NR3C2: variants seen among roughly 807,000 people sequenced by gnomAD.
The protein encoded by NR3C2 is mineralocorticoid receptor.
Under a neutral mutation model 86.4 loss-of-function variants are expected in NR3C2, and 15 were observed. The ratio of observed to expected loss-of-function variants is 0.17; its 90% confidence interval spans 0.12 to 0.27. The LOEUF (loss-of-function observed/expected upper bound fraction) is 0.27. Among genes scored for constraint, NR3C2 ranks in the 10% least tolerant of loss-of-function variants. The pLI, the probability that NR3C2 is intolerant of heterozygous loss-of-function variation, is 1.00. For synonymous variants in NR3C2, 458 were observed against 450.5 expected, an observed-to-expected ratio of 1.02 and a Z score of -0.21; for missense variants, 960 against 1,195.6, an observed-to-expected ratio of 0.80 and a Z score of 2.91.
chr4:148,318,091 G>T (rs1474166622), intron 2 of NR3C2, among the ~76,000 whole-genome samples: 1 of 142,200 alleles, frequency 7.0e-6, no homozygotes, highest in African/African-American at 2.6e-5. Flanking sequence ...TGATCTTACT[G>T]TTCAATTCCC....
intron 6 of NR3C2, among the ~76,000 whole-genome samples, chr4:148,124,375 G>T (rs1337109392): frequency 6.6e-6 from 1 of 152,206 alleles, no homozygotes; most frequent in Admixed American, 6.5e-5. Flanking sequence ...CTTGACAGGT[G>T]ATTTACGACA....
At chr4:148,264,827 C>G (rs1740294691) in intron 2 of NR3C2, among the ~76,000 whole-genome samples, 1 of 152,142 alleles carries the variant, frequency 6.6e-6, no homozygotes, top group South Asian at 2.1e-4. Flanking sequence ...CTGGATCAAA[C>G]ATAAAAAATG....
At position 148,131,505 on chromosome 4, in the gene NR3C2, AT is replaced by A. The variant is rs377293402; in HGVS notation, c.2511-11218del. 2.3e-4 allele frequency among the ~76,000 whole-genome samples: 35 copies of A among 152,296 alleles called. No homozygotes were observed. In the East Asian group the frequency reaches 5.4e-3, roughly 23 times the overall value. ...TTCAAATTATTCCAGTTTACTGTTA[AT>A]TTTTTTCATAGTCTTATTAATTTTT... On this transcript the variant is annotated intron_variant, in intron 6 of 8. Transcript: ENST00000358102.
intron 2 of NR3C2, among the ~76,000 whole-genome samples, chr4:148,381,607 G>A (rs1359304282): frequency 6.6e-6 from 1 of 152,118 alleles, no homozygotes; most frequent in African/African-American, 2.4e-5. Flanking sequence ...CATGTGTAGA[G>A]TAATCTTTAA....
intron 1 of NR3C2, 39 bp downstream of exon 1, chr4:148,442,121 A>G (rs1199714028): frequency 6.6e-6 from 1 of 152,522 alleles, no homozygotes; most frequent in East Asian, 1.9e-4. Context: ...CCGCACGCCG[A>G]GCACGGCAAG....
At chr4:148,367,825 C>T (rs1263336282) in intron 2 of NR3C2, among the ~76,000 whole-genome samples, 2 of 151,530 alleles carry the variant, frequency 1.3e-5, no homozygotes, top group Non-Finnish European at 2.9e-5. Flanking sequence ...CTGTGTTTTT[C>T]CTAGGTTCAA....
At chr4:148,322,351 T>C (rs1020706963) in intron 2 of NR3C2, among the ~76,000 whole-genome samples, 3 of 142,554 alleles carry the variant, frequency 2.1e-5, no homozygotes, top group African/African-American at 7.9e-5. Context: ...CTGACAATCA[T>C]GTGTCTTGGA....
chr4:148,155,431 C>T (rs1215500402), intron 4 of NR3C2, among the ~76,000 whole-genome samples: 4 of 152,138 alleles, frequency 2.6e-5, no homozygotes, highest in Non-Finnish European at 5.9e-5. Flanking sequence ...GATACAAAAT[C>T]AATGTGCAAA....
intron 2 of NR3C2, among the ~76,000 whole-genome samples, chr4:148,284,077 A>G (rs2149899585): frequency 6.6e-6 from 1 of 152,302 alleles, no homozygotes; most frequent in Admixed American, 6.5e-5. Flanking sequence ...GCAACAGCAA[A>G]GGGGTGGGGG....
Position 148,435,560 on chromosome 4 carries a change from T to C in NR3C2, c.1301A>G (p.His434Arg). 1 of 1,614,102 alleles carries C rather than the reference T, an allele frequency of 6.2e-7. No homozygotes were observed. The highest frequency in any genetic ancestry group is 8.5e-7 in the Non-Finnish European group (1 of 1,180,026). ...SVPIKQESTKHSCSGTSFKGN... is the reference protein window; with the variant it reads ...SVPIKQESTKRSCSGTSFKGN... ...TTTAAAAGAGGTGCCTGAACATGAA[T>C]GCTTGGTTGATTCTTGCTTTATTGG... is the stretch of plus-strand genomic sequence containing the variant. Residue 434 changes from histidine (H) to arginine (R), a missense_variant, in exon 2 of 9, where the codon CAT becomes CGT. Around this residue, in one of 4 missense-constraint regions of NR3C2, gnomAD observed 680 missense variants for 719.0 expected, o/e 0.95. Coordinates refer to ENST00000358102, the MANE Select transcript of NR3C2 (RefSeq NM_000901.5).
At chr4:148,212,641 G>A (rs1579019416) in intron 3 of NR3C2, among the ~76,000 whole-genome samples, 1 of 152,262 alleles carries the variant, frequency 6.6e-6, no homozygotes, top group East Asian at 1.9e-4. Context: ...AGGGAGCCAA[G>A]AAAATATCTA....
chr4:148,248,037 T>C (rs1437960281), intron 3 of NR3C2, among the ~76,000 whole-genome samples: 1 of 152,200 alleles, frequency 6.6e-6, no homozygotes. Context: ...TAACAACTTA[T>C]GATTTTCAAA....
rs564438800 is a variant in NR3C2, at chr4:148,242,635, C to T, written c.1897+17343G>A. Among the ~76,000 whole-genome samples, 6 of 152,280 alleles carry T rather than the reference C, an allele frequency of 3.9e-5. No individual in the cohort carries two copies. The South Asian group carries it at 1.2e-3, about 32-fold the overall frequency. On this transcript the variant is annotated intron_variant, in intron 3 of 8. Transcript: ENST00000358102. ...CTTAAAGGATAGACATTTTCTCTTTCTTCCTCATTCTTTTTCTCTAAAATT... is the reference window on the plus strand; with the variant it reads ...CTTAAAGGATAGACATTTTCTCTTTTTTCCTCATTCTTTTTCTCTAAAATT...
intron 3 of NR3C2, among the ~76,000 whole-genome samples, chr4:148,240,595 G>A (rs763685115): frequency 1.3e-5 from 2 of 152,158 alleles, no homozygotes; most frequent in African/African-American, 2.4e-5. Flanking sequence ...AATATACAGC[G>A]ACAGGGGCGG....
intron 2 of NR3C2, among the ~76,000 whole-genome samples, chr4:148,367,296 C>G (rs1354601730): frequency 1.3e-5 from 2 of 152,112 alleles, no homozygotes; most frequent in Non-Finnish European, 2.9e-5. Flanking sequence ...TATAGCAACC[C>G]AAATATTATA....
intron 2 of NR3C2, among the ~76,000 whole-genome samples, chr4:148,357,727 T>C (rs1418136217): frequency 1.3e-5 from 2 of 152,290 alleles, no homozygotes; most frequent in African/African-American, 2.4e-5. Flanking sequence ...ATTATATTGA[T>C]TTTTCTGTTT....
At chr4:148,178,365 A>T (rs1472889994) in intron 4 of NR3C2, among the ~76,000 whole-genome samples, 2 of 151,838 alleles carry the variant, frequency 1.3e-5, no homozygotes, top group Non-Finnish European at 2.9e-5. Flanking sequence ...TCCAAGAAGC[A>T]TGAAGCTAAT....
At chr4:148,089,214 G>T (rs1730953271) in intron 8 of NR3C2, among the ~76,000 whole-genome samples, 1 of 152,296 alleles carries the variant, frequency 6.6e-6, no homozygotes, top group South Asian at 2.1e-4. Flanking sequence ...TTGTACCTGT[G>T]TCACTGCCCT....
At chr4:148,136,224 T>A (rs1733336570) in intron 6 of NR3C2, among the ~76,000 whole-genome samples, 1 of 151,222 alleles carries the variant, frequency 6.6e-6, no homozygotes, top group Admixed American at 6.6e-5. Context: ...TTTTATTCAA[T>A]AAAAAATGAT....
Sources: allele counts gnomAD v4.1 joint callset (sites outside exome capture counted in the v4.1 genomes callset), GRCh38; gene constraint gnomAD v4.1.1; regional missense constraint gnomAD v4.1.1; transcripts MANE v1.5; gene names NCBI Gene and HGNC (gene_info 2026-07-23, HGNC 2026-07-21).